MAP2K6: variants seen among roughly 807,000 people sequenced by gnomAD.
MAP2K6 encodes mitogen-activated protein kinase kinase 6, also known as dual specificity mitogen-activated protein kinase kinase 6.
A neutral mutation model predicts 53.7 loss-of-function variants in MAP2K6; 16 were observed. That is an observed-to-expected ratio of 0.30 (90% CI 0.20 to 0.45). The LOEUF is 0.45. Ranked by LOEUF, MAP2K6 falls within the 20% of genes least tolerant of loss-of-function variation. The pLI is 1.00. For synonymous variants in MAP2K6, 132 were observed against 143.1 expected, an observed-to-expected ratio of 0.92 and a Z score of 0.55; for missense variants, 204 against 411.9, an observed-to-expected ratio of 0.50 and a Z score of 4.37.
intron 8 of MAP2K6, 118 bp downstream of exon 8, chr17:69,523,759 G>C: frequency 7.8e-7 from 1 of 1,274,888 alleles, no homozygotes; most frequent in South Asian, 1.3e-5. Flanking sequence ...TCCAGAAGTA[G>C]TCTGCCTCTT....
intron 6 of MAP2K6, 148 bp from the exon 7 acceptor site, chr17:69,520,901 C>G (rs565511915): frequency 1.7e-6 from 1 of 572,040 alleles, no homozygotes; most frequent in South Asian, 2.4e-5. Flanking sequence ...GTGTAACTTC[C>G]TATGTATTTT....
chr17:69,432,289 T>C (rs1906487608), intron 1 of MAP2K6, among the ~76,000 whole-genome samples: 1 of 152,220 alleles, frequency 6.6e-6, no homozygotes, highest in South Asian at 2.1e-4. Flanking sequence ...TAACCCAGCA[T>C]TCCCATTACT....
At chr17:69,445,185 T>C (rs1964442) in intron 1 of MAP2K6, among the ~76,000 whole-genome samples, 57,597 of 151,982 alleles carry the variant, frequency 0.38, 11,410 homozygotes, top group Admixed American at 0.44. Context: ...CCTCCCAAAG[T>C]GCTGAGATTA....
intron 1 of MAP2K6, among the ~76,000 whole-genome samples, chr17:69,440,197 A>G (rs901604684): frequency 1.3e-5 from 2 of 152,050 alleles, no homozygotes; most frequent in African/African-American, 2.4e-5. Context: ...ACAGGCACCT[A>G]CCACCACACC....
At chr17:69,520,494 G>A (rs981710364) in intron 6 of MAP2K6, 108 bp downstream of exon 6, 32 of 684,574 alleles carry the variant, frequency 4.7e-5, no homozygotes, top group Non-Finnish European at 7.2e-5. Context: ...GCTACTATTC[G>A]TACATGTCTG....
intron 1 of MAP2K6, among the ~76,000 whole-genome samples, chr17:69,421,941 C>T (rs1046438563): frequency 2.6e-5 from 4 of 151,852 alleles, no homozygotes; most frequent in African/African-American, 7.3e-5. Flanking sequence ...CCTCCTTGAC[C>T]ACCTCCACTG....
chr17:69,544,406 C>T lies in MAP2K6; in HGVS notation c.*2653C>T, dbSNP rs750549032. The T allele has an allele frequency of 2.0e-5, 3 of 152,300 alleles. No individual in the cohort carries two copies. The highest frequency in any genetic ancestry group is 3.4e-3 in the Middle Eastern group (1 of 294). The allele number at this position is 152,300 out of a possible 1,614,324, so 9.4% of individuals were successfully genotyped here. A position where few individuals can be genotyped will look rare whatever the true frequency, so the allele number is the denominator to read the frequency against. On this transcript the variant is annotated 3_prime_UTR_variant, in exon 12 of 12. Coordinates refer to ENST00000590474, the MANE Select transcript of MAP2K6 (RefSeq NM_002758.4). ...AAACTGTGTTGTAAGTGCCAATCAACCAACTTTTGAAAAAATCAAGATACC... is the reference window on the plus strand; with the variant it reads ...AAACTGTGTTGTAAGTGCCAATCAATCAACTTTTGAAAAAATCAAGATACC...
At chr17:69,469,569 C>T (rs1907919201) in intron 1 of MAP2K6, among the ~76,000 whole-genome samples, 1 of 152,080 alleles carries the variant, frequency 6.6e-6, no homozygotes. Context: ...CAAGACCAGC[C>T]TGGCCAACAC....
At chr17:69,436,767 A>T (rs1906655449) in intron 1 of MAP2K6, among the ~76,000 whole-genome samples, 1 of 151,672 alleles carries the variant, frequency 6.6e-6, no homozygotes, top group South Asian at 2.1e-4. Flanking sequence ...TGCAGCTGAA[A>T]CTTTGCATAT....
intron 11 of MAP2K6, among the ~76,000 whole-genome samples, chr17:69,537,748 T>C (rs1567861684): frequency 2.0e-5 from 3 of 152,234 alleles, no homozygotes; most frequent in Admixed American, 6.5e-5. Flanking sequence ...CCCCTGGTGC[T>C]CAGCACTCTA....
intron 1 of MAP2K6, among the ~76,000 whole-genome samples, chr17:69,444,723 T>A (rs1379308876): frequency 6.6e-6 from 1 of 152,116 alleles, no homozygotes; most frequent in Non-Finnish European, 1.5e-5. Flanking sequence ...GGGAGATGAG[T>A]ATCCAGCACT....
chr17:69,452,469 T>C (rs1907263376), intron 1 of MAP2K6, among the ~76,000 whole-genome samples: 1 of 152,160 alleles, frequency 6.6e-6, no homozygotes, highest in Non-Finnish European at 1.5e-5. Context: ...AGAAGAGACC[T>C]TTCATCTTGT....
chr17:69,449,719 T>C (rs1907144156), intron 1 of MAP2K6, among the ~76,000 whole-genome samples: 1 of 144,946 alleles, frequency 6.9e-6, no homozygotes, highest in African/African-American at 2.5e-5. Flanking sequence ...GTTCACGCCA[T>C]TCTCCTGCCT....
At chr17:69,523,030 C>T (rs986542134) in intron 7 of MAP2K6, among the ~76,000 whole-genome samples, 2 of 152,158 alleles carry the variant, frequency 1.3e-5, no homozygotes, top group Non-Finnish European at 1.5e-5. Context: ...CACTGCACAC[C>T]GGTTGAGTGA....
intron 2 of MAP2K6, among the ~76,000 whole-genome samples, chr17:69,508,143 C>G (rs545150361): frequency 2.1e-5 from 3 of 144,940 alleles, no homozygotes; most frequent in African/African-American, 7.7e-5. Context: ...CCTCTGCCCC[C>G]TGGTTTCAGG....
At chr17:69,452,935 GGT>G in intron 1 of MAP2K6, among the ~76,000 whole-genome samples, 1 of 152,318 alleles carries the variant, frequency 6.6e-6, no homozygotes, top group South Asian at 2.1e-4. Flanking sequence ...TGATGACTTT[GGT>G]GCTGTCTTTC....
chr17:69,458,059 C>A (rs1249985991), intron 1 of MAP2K6, among the ~76,000 whole-genome samples: 1 of 152,030 alleles, frequency 6.6e-6, no homozygotes, highest in Non-Finnish European at 1.5e-5. Context: ...TTCTTTCTTT[C>A]ATTTTTTTCT....
chr17:69,521,203 G>C (rs762448110), intron 7 of MAP2K6, 103 bp downstream of exon 7: 104 of 981,522 alleles, frequency 1.1e-4, no homozygotes, highest in Non-Finnish European at 1.5e-4. Context: ...AAGTAGAATT[G>C]ACTCAGGCAA....
chr17:69,504,282 C>CT (rs771857889), intron 1 of MAP2K6, among the ~76,000 whole-genome samples: 3,920 of 144,712 alleles, frequency 0.027, 71 homozygotes, highest in Non-Finnish European at 0.042. Context: ...CTTTTTTTTT[C>CT]TTTTTTTTTT....
Sources: allele counts gnomAD v4.1 joint callset (sites outside exome capture counted in the v4.1 genomes callset), GRCh38; gene constraint gnomAD v4.1.1; transcripts MANE v1.5; gene names NCBI Gene and HGNC (gene_info 2026-07-23, HGNC 2026-07-21).